Variants in NAA38 observed in about 807,000 individuals in gnomAD.
The protein encoded by NAA38 is LSM domain containing 1.
A neutral mutation model predicts 12.6 loss-of-function variants in NAA38; 15 were observed. The ratio of observed to expected loss-of-function variants is 1.19; its 90% CI spans 0.79 to 1.83. The LOEUF is 1.83. NAA38 is among the 40% of genes most tolerant of loss of function. The pLI is 0.00. For missense variants in NAA38, 183 were observed against 171.7 expected, an observed-to-expected ratio of 1.07 and a Z score of -0.37; for synonymous variants, 88 against 69.9, an observed-to-expected ratio of 1.26 and a Z score of -1.29.
In NAA38 at chr17:7,884,161, TG is replaced by T. The variant is rs138884047; in HGVS notation, c.-166-827del. 2.9e-3 allele frequency among the ~76,000 whole-genome samples: 441 copies of T among 151,424 alleles called. 17 individuals are homozygous for T. In the East Asian group the frequency reaches 0.064, roughly 22 times the overall value. On this transcript the variant is annotated intron_variant, in intron 1 of 4. Coordinates refer to the NAA38 transcript ENST00000576861. ...AATCAGTTATGAAAAAGGAGAAATT[TG>T]TGGGTTTCTGGGTAAAGGCTTGGAG...
intron 1 of NAA38, 47 bp from the exon 2 acceptor site, chr17:7,857,245 C>CGCGGA: frequency 6.2e-7 from 1 of 1,610,200 alleles, no homozygotes; most frequent in Non-Finnish European, 8.5e-7. Flanking sequence ...CCAGGCTGCC[C>CGCGGA]GCCCGCGGAA....
chr17:7,867,925 A>G lies in NAA38; in HGVS notation c.-65-1367T>C, dbSNP rs118123883. ...GTGTCTGGCCTGGATGACTAGGAGG[A>G]TGGTGAGTCCACTGGCAGAAAAAGG... is the stretch of plus-strand genomic sequence containing the variant. On this transcript the variant is annotated intron_variant, in intron 2 of 4. Coordinates refer to the NAA38 transcript ENST00000576861. Among the ~76,000 whole-genome samples the G allele has an allele frequency of 2.6e-3, 397 of 152,272 alleles. 1 individual carries two copies. Among genetic ancestry groups the G allele is most frequent in the Non-Finnish European group, 4.8e-3 (326 of 68,026 alleles).
At chr17:7,861,408 T>C (rs1025085276), upstream of NAA38, 1 of 152,190 alleles carries the variant, frequency 6.6e-6, no homozygotes, top group African/African-American at 2.4e-5. Context: ...CCATGAATTA[T>C]CTAAATCGAT....
At chr17:7,859,319 C>A, upstream of NAA38, 2 of 1,360,970 alleles carry the variant, frequency 1.5e-6, no homozygotes, top group Non-Finnish European at 1.0e-6. Context: ...ACTTTGATCC[C>A]AGCGTGTGTA....
chr17:7,879,445 A>T (rs919050870), intron 2 of NAA38, among the ~76,000 whole-genome samples: 4 of 149,192 alleles, frequency 2.7e-5, no homozygotes, highest in African/African-American at 9.8e-5. Context: ...TTTTGTGTGT[A>T]TTTTTTTTTT....
chr17:7,859,749 TCTG>T, upstream of NAA38: 4 of 721,876 alleles, frequency 5.5e-6, no homozygotes, highest in Non-Finnish European at 7.1e-6. Context: ...CCTGTGCCCT[TCTG>T]AAGTGTAAAG....
At chr17:7,860,096 T>C (rs528990443), upstream of NAA38, 1 of 176,508 alleles carries the variant, frequency 5.7e-6, no homozygotes, top group Admixed American at 5.5e-5. Flanking sequence ...AGGAAGTGCG[T>C]CATTATAGGC....
intron 1 of NAA38, chr17:7,885,099 G>A (rs897402592): frequency 4.1e-6 from 4 of 980,890 alleles, no homozygotes; most frequent in Middle Eastern, 5.3e-4. Flanking sequence ...CGCCCGCCCC[G>A]ACTCCCCCCC....
At chr17:7,863,787 C>A (rs1393990946) in intron 3 of NAA38, 1 of 152,122 alleles carries the variant, frequency 6.6e-6, no homozygotes, top group Non-Finnish European at 1.5e-5. Flanking sequence ...CACAACAATA[C>A]TTTAAACAGC....
upstream of NAA38, chr17:7,858,364 A>T (rs377731816): frequency 1.4e-5 from 23 of 1,613,946 alleles, no homozygotes; most frequent in African/African-American, 3.1e-4. Flanking sequence ...TGGTTCTCGA[A>T]GGGCTGGCAT....
chr17:7,858,521 G>A (rs368682739), upstream of NAA38: 1 of 1,613,878 alleles, frequency 6.2e-7, no homozygotes, highest in African/African-American at 1.3e-5. Flanking sequence ...AGAGGAAATG[G>A]AGAGCGGGGA....
chr17:7,857,544 C>G lies in NAA38; in HGVS notation c.-81G>C. Reference sequence around the variant, plus strand: ...TGGTCCGAGATCTCGCGAGCGCTCCCGACCTCTTTCCTTTCGCGAGATCCC... The same window carrying G: ...TGGTCCGAGATCTCGCGAGCGCTCCGGACCTCTTTCCTTTCGCGAGATCCC... On this transcript the variant is annotated 5_prime_UTR_variant, in exon 1 of 3. Coordinates refer to ENST00000575771, the MANE Select transcript of NAA38 (RefSeq NM_001320925.4). 6.9e-7 allele frequency: 1 copy of G among 1,448,038 alleles called. No homozygotes were observed. Among genetic ancestry groups the G allele is most frequent in the Non-Finnish European group, 9.1e-7 (1 of 1,103,968 alleles). The allele number at this position is 1,448,038 out of a possible 1,614,324, so 89.7% of individuals were successfully genotyped here. A position where few individuals can be genotyped will look rare whatever the true frequency, so the allele number is the denominator to read the frequency against.
intron 1 of NAA38, among the ~76,000 whole-genome samples, chr17:7,884,145 T>C (rs1254212706): frequency 6.6e-6 from 1 of 151,202 alleles, no homozygotes; most frequent in African/African-American, 2.4e-5. Context: ...TAATCAGTTA[T>C]GAAAAAGGAG....
At chr17:7,857,749 T>C (rs529738630), upstream of NAA38, 11 of 1,278,428 alleles carry the variant, frequency 8.6e-6, no homozygotes, top group East Asian at 1.6e-4. Context: ...ATACATTCTT[T>C]CATACTGCCT....
At chr17:7,875,215 C>CA (rs1306259033) in intron 2 of NAA38, among the ~76,000 whole-genome samples, 4 of 151,884 alleles carry the variant, frequency 2.6e-5, no homozygotes, top group Non-Finnish European at 5.9e-5. Context: ...CAAAACAAAA[C>CA]AAAAAACCCT....
In NAA38 at chr17:7,857,101, C is replaced by T; in HGVS notation, c.179G>A (p.Gly60Glu). ...NKTMRIRMTD[G>E]RTLVGCFLCT... ...GAGGAAGCAGCCGACCAGTGTCCGTCCATCTGTCATGCGAATGCGCATAGT... is the reference window on the plus strand; with the variant it reads ...GAGGAAGCAGCCGACCAGTGTCCGTTCATCTGTCATGCGAATGCGCATAGT... The change falls in exon 2 of 3, where the codon GGA becomes GAA. Residue 60 changes from glycine (G) to glutamate (E), a missense_variant. Physicochemically the swap from Gly to Glu is moderately conservative, Grantham distance 98. Coordinates refer to ENST00000575771, the MANE Select transcript of NAA38 (RefSeq NM_001320925.4). The T allele has an allele frequency of 1.2e-6, 2 of 1,613,556 alleles. No individual in the cohort carries two copies. The highest frequency in any genetic ancestry group is 1.7e-6 in the Non-Finnish European group (2 of 1,180,048).
At chr17:7,881,241 A>G (rs927060797) in intron 2 of NAA38, among the ~76,000 whole-genome samples, 1 of 148,266 alleles carries the variant, frequency 6.7e-6, no homozygotes, top group Non-Finnish European at 1.5e-5. Context: ...ATGTTGTACC[A>G]TAAGTATGTA....
chr17:7,861,534 C>T (rs1274263496), upstream of NAA38: 2 of 152,214 alleles, frequency 1.3e-5, no homozygotes, highest in Non-Finnish European at 2.9e-5. Flanking sequence ...CAGGGCCTGT[C>T]CTGTGCCTAC....
chr17:7,859,569 C>G, upstream of NAA38: 1 of 1,614,158 alleles, frequency 6.2e-7, no homozygotes, highest in African/African-American at 1.3e-5. Context: ...CTTCACACAC[C>G]TGCAATACTT....
Sources: allele counts gnomAD v4.1 joint callset (sites outside exome capture counted in the v4.1 genomes callset), GRCh38; gene constraint gnomAD v4.1.1; transcripts MANE v1.5; gene names NCBI Gene and HGNC (gene_info 2026-07-23, HGNC 2026-07-21).